The following LTN1 variants were observed in gnomAD, a reference collection of about 807,000 sequenced individuals.
The protein encoded by LTN1 is E3 ubiquitin-protein ligase listerin.
In LTN1, 88 loss-of-function variants were observed where a neutral mutation model predicts 201.2. That is an observed-to-expected ratio of 0.44 (90% CI 0.37 to 0.52). The LOEUF (loss-of-function observed/expected upper bound fraction) is 0.52, where lower values mean the gene tolerates loss of function less well. Ranked by LOEUF, LTN1 falls within the 20% of genes least tolerant of loss-of-function variation. LTN1 has a pLI of 0.00. For synonymous variants in LTN1, 645 were observed against 713.5 expected, an observed-to-expected ratio of 0.90 and a Z score of 1.53; for missense variants, 1,752 against 2,038.7, an observed-to-expected ratio of 0.86 and a Z score of 2.71.
chr21:28,960,857 T>C (rs2084472078), intron 11 of LTN1, 151 bp from the exon 12 acceptor site: 1 of 588,284 alleles, frequency 1.7e-6, no homozygotes, highest in Non-Finnish European at 3.0e-6. Context: ...GGAAGACTGG[T>C]ATCCTCCCTG....
chr21:28,978,190 A>G (rs1195352129), intron 6 of LTN1, among the ~76,000 whole-genome samples: 2 of 152,112 alleles, frequency 1.3e-5, no homozygotes, highest in South Asian at 2.1e-4. Context: ...ACCACACCCA[A>G]CTAATTTTTT....
chr21:28,981,052 A>G (rs2084654527), intron 6 of LTN1, 67 bp downstream of exon 6: 5 of 1,012,786 alleles, frequency 4.9e-6, no homozygotes, highest in Non-Finnish European at 6.9e-6. Context: ...ATAAACATAA[A>G]ACATAAACTA....
intron 11 of LTN1, 133 bp from the exon 12 acceptor site, chr21:28,960,839 A>C (rs538212227): frequency 1.3e-5 from 8 of 612,644 alleles, no homozygotes; most frequent in Non-Finnish European, 5.7e-6. Flanking sequence ...CCTCCTCCTG[A>C]AGTTCTAGGA....
At chr21:28,971,534 C>T (rs981493148) in intron 6 of LTN1, 90 bp from the exon 7 acceptor site, 67 of 1,148,056 alleles carry the variant, frequency 5.8e-5, no homozygotes, top group Non-Finnish European at 7.7e-5. Context: ...TTCACACTAA[C>T]CCTCCCACTA....
chr21:28,977,467 C>A (rs909946807), intron 6 of LTN1, among the ~76,000 whole-genome samples: 1 of 151,878 alleles, frequency 6.6e-6, no homozygotes, highest in East Asian at 1.9e-4. Flanking sequence ...TGGCTCATGC[C>A]TGTAATCCCA....
rs1200825642 is a variant in LTN1 at position 28,945,825 on chromosome 21, G to A, written c.3750C>T (p.Ser1250=). ...AATTTACCTCCAACCAAGCCAACAT[G>A]GAGCACATGATGAAGTCCCACTCAC... ...AESEWDFIMC[S]MLAWLETTSE... Residue 1250 remains serine, a synonymous_variant, in exon 21 of 30, where the codon TCC becomes TCT. Transcript: ENST00000361371. The A allele has an allele frequency of 6.2e-7, 1 of 1,613,298 alleles. No homozygotes were observed. The highest frequency in any genetic ancestry group is 1.1e-5 in the South Asian group (1 of 90,962).
At chr21:28,938,421 A>G (rs1052691521) in intron 25 of LTN1, among the ~76,000 whole-genome samples, 2 of 152,214 alleles carry the variant, frequency 1.3e-5, no homozygotes, top group Non-Finnish European at 2.9e-5. Flanking sequence ...TTTTTTATCT[A>G]AAAGAGTATG....
intron 23 of LTN1, 72 bp from the exon 24 acceptor site, chr21:28,943,408 G>C: frequency 1.1e-6 from 1 of 905,450 alleles, no homozygotes; most frequent in South Asian, 1.5e-5. Context: ...AGAGCAGAAA[G>C]ACCAATACTT....
chr21:28,982,993 C>T (rs573778314), intron 4 of LTN1, among the ~76,000 whole-genome samples: 1 of 152,352 alleles, frequency 6.6e-6, no homozygotes, highest in Admixed American at 6.5e-5. Flanking sequence ...GGCACAGAAA[C>T]TTGCCCAAGG....
At chr21:28,952,053 T>C (rs2084386917) in intron 18 of LTN1, 107 bp downstream of exon 18, 1 of 619,584 alleles carries the variant, frequency 1.6e-6, no homozygotes, top group African/African-American at 1.9e-5. Context: ...TTTCCTCATT[T>C]CCTAAACCTG....
At chr21:28,987,005 G>C (rs191544012) in intron 1 of LTN1, 71 bp from the exon 2 acceptor site, 1 of 988,226 alleles carries the variant, frequency 1.0e-6, no homozygotes, top group Non-Finnish European at 1.6e-6. Flanking sequence ...ATAATTCCTT[G>C]GCTATTCCCA....
rs1568832335 is a variant in LTN1 at position 28,936,534 on chromosome 21, C to G, written c.4646G>C (p.Ser1549Thr). Residue 1549 changes from serine to threonine, a missense_variant, in exon 26 of 30, where the codon AGT becomes ACT. Around this residue, in one of 3 missense-constraint regions of LTN1, gnomAD observed 261 missense variants for 350.1 expected, o/e 0.75. Coordinates refer to ENST00000361371, the MANE Select transcript of LTN1 (RefSeq NM_015565.3). ...ACACATATCTTACTGACCTCTAATA[C>G]TCAGCTGGAGCTCCTCAGTAAAGAA... ...KTFFTEELQL[S>T]IRETTMLPYH... 1 of 1,611,836 alleles carries G rather than the reference C, an allele frequency of 6.2e-7. No individual in the cohort carries two copies. Among genetic ancestry groups the G allele is most frequent in the Admixed American group, 1.7e-5 (1 of 59,820 alleles).
At position 28,986,623 on chromosome 21, in the gene LTN1, G is replaced by C. The variant is rs2084700337; in HGVS notation, c.246+108C>G. ...GTCAGAAAAAAGTACAATTATAAAA[G>C]AACTTAGCAATAAATTGTTCATTTT... On this transcript the variant is annotated intron_variant, in intron 2 of 29. Coordinates refer to ENST00000361371, the MANE Select transcript of LTN1 (RefSeq NM_015565.3). This position sits in a 1 kb window ranked among gnomAD's most constrained non-coding sequence, Gnocchi z 4.1. 2 of 804,816 alleles carry C rather than the reference G, an allele frequency of 2.5e-6. No individual in the cohort carries two copies. The highest frequency in any genetic ancestry group is 5.3e-5 in the East Asian group (2 of 37,930). 49.9% of individuals were successfully genotyped at this position (804,816 alleles called of 1,614,324 possible).
chr21:28,934,751 C>G (rs548772430), intron 27 of LTN1, among the ~76,000 whole-genome samples: 188 of 152,182 alleles, frequency 1.2e-3, no homozygotes, highest in African/African-American at 4.4e-3. Flanking sequence ...GCCACTGCAC[C>G]CGGCCTAAAC....
In LTN1 at chr21:28,931,298, C is replaced by G; in HGVS notation, c.5095G>C (p.Ala1699Pro). Reference sequence around the variant, plus strand: ...TTGTCTACGTTATTTTTCCATAAAGCTAAGCCTTCCATAATACTTCCATTC... The same window carrying G: ...TTGTCTACGTTATTTTTCCATAAAGGTAAGCCTTCCATAATACTTCCATTC... ...HQNGSIMEGL[A>P]LWKNNVDKRF... Residue 1699 changes from alanine (A) to proline (P), a missense_variant, in exon 29 of 30, where the codon GCT (alanine) becomes CCT (proline). By Grantham distance (27) the Ala-to-Pro change is conservative. Transcript: ENST00000361371. 6.2e-7 allele frequency: 1 copy of G among 1,610,388 alleles called. No individual in the cohort carries two copies. Among genetic ancestry groups the G allele is most frequent in the Non-Finnish European group, 8.5e-7 (1 of 1,178,068 alleles).
intron 16 of LTN1, among the ~76,000 whole-genome samples, chr21:28,955,192 G>C (rs2084414439): frequency 6.6e-6 from 1 of 152,066 alleles, no homozygotes; most frequent in Non-Finnish European, 1.5e-5. Context: ...AAATAAGCTG[G>C]GAATGGTGGC....
intron 6 of LTN1, 80 bp from the exon 7 acceptor site, chr21:28,971,524 T>G: frequency 7.7e-7 from 1 of 1,292,232 alleles, no homozygotes; most frequent in Non-Finnish European, 1.1e-6. Context: ...TAGTAGATTA[T>G]TCACACTAAC....
At chr21:28,935,428 C>G (rs2084246986) in intron 26 of LTN1, 99 bp from the exon 27 acceptor site, 1 of 749,434 alleles carries the variant, frequency 1.3e-6, no homozygotes, top group African/African-American at 1.8e-5. Context: ...CTTAATTTCT[C>G]AACAATAGTG....
intron 16 of LTN1, among the ~76,000 whole-genome samples, chr21:28,954,516 G>A (rs545330915): frequency 2.0e-5 from 3 of 152,038 alleles, no homozygotes; most frequent in South Asian, 2.1e-4. Flanking sequence ...ATTAGAGCCC[G>A]ATGAAATACA....
Sources: gnomAD v4.1 joint callset for allele counts (sites outside exome capture counted in the v4.1 genomes callset) on GRCh38, gnomAD v4.1.1 for gene constraint, gnomAD v4.1.1 regional missense constraint, Gnocchi (gnomAD v3.1) non-coding constraint, MANE v1.5 for transcripts, NCBI Gene and HGNC (gene_info 2026-07-23, HGNC 2026-07-21) for gene names.